Variants in SCN1A observed in about 807,000 individuals in gnomAD.
The protein encoded by SCN1A is sodium channel protein type 1 subunit alpha.
A neutral mutation model predicts 193.7 loss-of-function variants in SCN1A; 13 were observed. That is an observed-to-expected ratio of 0.07 (90% CI 0.04 to 0.11). The LOEUF (loss-of-function observed/expected upper bound fraction) is 0.11. SCN1A is among the 10% of genes least tolerant of loss of function. The pLI, the probability that SCN1A is intolerant of heterozygous loss-of-function variation, is 1.00. For missense variants in SCN1A, 1,432 were observed against 2,451.1 expected (o/e 0.58, Z 8.78); for synonymous variants, 781 against 843.6 (o/e 0.93, Z 1.29).
At position 166,002,462 on chromosome 2, in the gene SCN1A, G is replaced by C; in HGVS notation, c.4284+10C>G. 2 of 1,607,708 alleles carry C rather than the reference G, an allele frequency of 1.2e-6. No individual in the cohort carries two copies. Among genetic ancestry groups the C allele is most frequent in the Middle Eastern group, 1.7e-4 (1 of 5,962 alleles). ...AATAAAAATATTCAGAGAAAATAGT[G>C]TTCACTTACAACTTGAAGCAAAGAG... On this transcript the variant is annotated intron_variant, in intron 24 of 28. Coordinates refer to ENST00000674923, the MANE Select transcript of SCN1A (RefSeq NM_001165963.4).
chr2:166,073,296 C>T, intron 4 of SCN1A, 62 bp downstream of exon 4: 1 of 1,598,462 alleles, frequency 6.3e-7, no homozygotes, highest in Non-Finnish European at 8.6e-7. Context: ...GTTGGTGCTA[C>T]AACAGTCCAA....
At chr2:166,032,959 C>T (rs759278810) in intron 19 of SCN1A, among the ~76,000 whole-genome samples, 1 of 152,056 alleles carries the variant, frequency 6.6e-6, no homozygotes, top group African/African-American at 2.4e-5. Flanking sequence ...TTTATGAGAG[C>T]CCTTCAGAAT....
At chr2:166,044,460 C>T (rs542294106) in intron 13 of SCN1A, among the ~76,000 whole-genome samples, 6 of 152,150 alleles carry the variant, frequency 3.9e-5, no homozygotes, top group Non-Finnish European at 8.8e-5. Flanking sequence ...CAAAAACTTT[C>T]AACACTCCTC....
chr2:166,022,201 T>A (rs1473332484), intron 19 of SCN1A, among the ~76,000 whole-genome samples: 4 of 152,002 alleles, frequency 2.6e-5, no homozygotes, highest in Non-Finnish European at 4.4e-5. Flanking sequence ...GTGTGGTGAA[T>A]ATAGGGGAAA....
chr2:166,035,696 C>A (rs1696234833), intron 19 of SCN1A, among the ~76,000 whole-genome samples: 1 of 152,112 alleles, frequency 6.6e-6, no homozygotes, highest in African/African-American at 2.4e-5. Context: ...TAAAGGAAAG[C>A]ATGATTTATA....
rs149004627 is a variant in SCN1A at position 166,127,256 on chromosome 2, G to A, written c.-228-246C>T. Reference sequence around the variant, plus strand: ...TGAGGCATTTCTTCTCAAAAGCCCAGCCTCAGCCTCAGGAAGCTGAATACC... The same window carrying A: ...TGAGGCATTTCTTCTCAAAAGCCCAACCTCAGCCTCAGGAAGCTGAATACC... On this transcript the variant is annotated intron_variant, in intron 1 of 28. Transcript: ENST00000674923. 2.4e-3 allele frequency among the ~76,000 whole-genome samples: 361 copies of A among 152,280 alleles called. 1 individual carries two copies. The highest frequency in any genetic ancestry group is 7.9e-3 in the African/African-American group (330 of 41,562).
At position 166,051,706 on chromosome 2, in the gene SCN1A, CAAT is replaced by C; in HGVS notation, c.964+10_964+12del. ...CTACTTTTTAAGGAAATGTACATAA[CAAT>C]AATTCTTACTTGAATCTTGAATATA... On this transcript the variant is annotated intron_variant, in intron 9 of 28. Coordinates refer to ENST00000674923, the MANE Select transcript of SCN1A (RefSeq NM_001165963.4). 6.3e-7 allele frequency: 1 copy of C among 1,581,630 alleles called. No homozygotes were observed. Among genetic ancestry groups the C allele is most frequent in the East Asian group, 2.2e-5 (1 of 44,496 alleles).
At chr2:166,118,415 T>C (rs887289629) in intron 2 of SCN1A, among the ~76,000 whole-genome samples, 7 of 149,510 alleles carry the variant, frequency 4.7e-5, no homozygotes, top group Admixed American at 3.4e-4. Flanking sequence ...TTTTGGAATG[T>C]CTTCCAAAGG....
intron 1 of SCN1A, among the ~76,000 whole-genome samples, chr2:166,136,561 G>A (rs1389282224): frequency 6.6e-6 from 1 of 151,756 alleles, no homozygotes; most frequent in Non-Finnish European, 1.5e-5. Context: ...TCCTCTCTTG[G>A]GCATCACAAA....
intron 19 of SCN1A, among the ~76,000 whole-genome samples, chr2:166,024,792 T>C (rs934004719): frequency 2.6e-5 from 4 of 152,146 alleles, no homozygotes; most frequent in African/African-American, 9.7e-5. Flanking sequence ...CCCAAGTAAC[T>C]GGGACTACAG....
rs1052465738 is a variant in SCN1A at position 166,018,770 on chromosome 2, C to T, written c.3430-3043G>A. Among the ~76,000 whole-genome samples the T allele has an allele frequency of 3.9e-5, 6 of 151,932 alleles. 1 individual carries two copies. Among genetic ancestry groups the T allele is most frequent in the African/African-American group, 1.4e-4 (6 of 41,396 alleles). On this transcript the variant is annotated intron_variant, in intron 19 of 28. Coordinates refer to ENST00000674923, the MANE Select transcript of SCN1A (RefSeq NM_001165963.4). ...ATATAAGAGTTGGCATGCAATTGGA[C>T]ATACACGAACTCTACCCTGTCTACT...
intron 4 of SCN1A, among the ~76,000 whole-genome samples, chr2:166,062,236 T>C (rs1397794989): frequency 6.6e-6 from 1 of 152,118 alleles, no homozygotes; most frequent in Non-Finnish European, 1.5e-5. Flanking sequence ...AGCTTTAAGG[T>C]ATTGATGGAT....
intron 24 of SCN1A, among the ~76,000 whole-genome samples, chr2:166,001,226 A>C (rs1266116816): frequency 1.3e-5 from 2 of 151,730 alleles, no homozygotes; most frequent in African/African-American, 4.8e-5. Context: ...GGCCTCAAGC[A>C]ATCCTCCAGC....
At chr2:166,124,502 G>A (rs1040091143) in intron 2 of SCN1A, among the ~76,000 whole-genome samples, 2 of 152,106 alleles carry the variant, frequency 1.3e-5, no homozygotes, top group African/African-American at 2.4e-5. Context: ...AGCCAAGAAC[G>A]TGCCACTGCA....
At chr2:166,114,853 A>G (rs1177593358) in intron 2 of SCN1A, among the ~76,000 whole-genome samples, 1 of 152,194 alleles carries the variant, frequency 6.6e-6, no homozygotes, top group African/African-American at 2.4e-5. Context: ...CCATTATTCA[A>G]ACAGGAAGAG....
At chr2:166,063,992 G>T (rs557718050) in intron 4 of SCN1A, among the ~76,000 whole-genome samples, 3 of 151,940 alleles carry the variant, frequency 2.0e-5, no homozygotes, top group Non-Finnish European at 4.4e-5. Flanking sequence ...AGCAATCCTT[G>T]CCATGTAAAA....
rs530936797 is a variant in SCN1A, at chr2:166,046,406, G to C, written c.1377+364C>G. Reference sequence around the variant, plus strand: ...AAAAGGAGACTATGTTTAAGAACTAGAGGAGCAACTCTTCATATGATAACC... The same window carrying C: ...AAAAGGAGACTATGTTTAAGAACTACAGGAGCAACTCTTCATATGATAACC... On this transcript the variant is annotated intron_variant, in intron 12 of 28. Transcript: ENST00000674923. Among the ~76,000 whole-genome samples, 7 of 152,238 alleles carry C rather than the reference G, an allele frequency of 4.6e-5. No individual in the cohort carries two copies. In the East Asian group the frequency reaches 1.2e-3, roughly 25 times the overall value.
chr2:166,115,108 G>T (rs1464041044), intron 2 of SCN1A, among the ~76,000 whole-genome samples: 1 of 152,116 alleles, frequency 6.6e-6, no homozygotes, highest in African/African-American at 2.4e-5. Flanking sequence ...GCTCACGCCT[G>T]TAACTTTGGA....
upstream of SCN1A, among the ~76,000 whole-genome samples, chr2:166,130,353 A>C (rs1691608398): frequency 6.6e-6 from 1 of 152,200 alleles, no homozygotes; most frequent in Non-Finnish European, 1.5e-5. Context: ...AAACCAGATC[A>C]AAACCCTCCC....
Sources: allele counts gnomAD v4.1 joint callset (sites outside exome capture counted in the v4.1 genomes callset), GRCh38; gene constraint gnomAD v4.1.1; transcripts MANE v1.5; gene names NCBI Gene and HGNC (gene_info 2026-07-23, HGNC 2026-07-21).